The following RIF1 variants were observed in gnomAD, a reference collection of about 807,000 sequenced individuals.
RIF1 encodes telomere-associated protein RIF1.
A neutral mutation model predicts 247.1 loss-of-function variants in RIF1; 45 were observed. The observed-to-expected ratio is 0.18, with a 90% CI of 0.14 to 0.23. The LOEUF (loss-of-function observed/expected upper bound fraction) is 0.23. RIF1 is among the 10% of genes least tolerant of loss of function. The pLI, the probability that RIF1 is intolerant of heterozygous loss-of-function variation, is 1.00. For synonymous variants in RIF1, 1,087 were observed against 978.8 expected (o/e 1.11, Z -2.06); for missense variants, 2,967 against 2,862.5 (o/e 1.04, Z -0.83).
Position 151,464,648 on chromosome 2 carries a change from G to GA in RIF1, c.5134dup (p.Thr1712AsnfsTer6). ...GATATCAGATATTTCTTCGCTTTCA[G>GA]AAAAAACTTTTCAAACACTTGAATG... On this transcript the variant is annotated frameshift_variant, in exon 30 of 36. Transcript: ENST00000444746. LOFTEE classifies it high-confidence loss of function. 6.2e-7 allele frequency: 1 copy of GA among 1,613,274 alleles called. No individual in the cohort carries two copies. Among genetic ancestry groups the GA allele is most frequent in the Non-Finnish European group, 8.5e-7 (1 of 1,179,584 alleles).
At chr2:151,507,498 G>A (rs2153206288) in intron 13 of RIF1, among the ~76,000 whole-genome samples, 1 of 152,258 alleles carries the variant, frequency 6.6e-6, no homozygotes, top group Non-Finnish European at 1.5e-5. Context: ...GTCCTCCCTA[G>A]ACCCAGAGGA....
At chr2:151,438,486 C>A (rs1021304589) in intron 13 of RIF1, among the ~76,000 whole-genome samples, 198 bp from the exon 14 acceptor site, 2 of 152,016 alleles carry the variant, frequency 1.3e-5, no homozygotes, top group Non-Finnish European at 2.9e-5. Context: ...AAAAAATAAA[C>A]CATATTTAGT....
chr2:151,529,184 T>G, the RIF1 span: 1 of 1,480,958 alleles, frequency 6.8e-7, no homozygotes, highest in Non-Finnish European at 9.4e-7. Context: ...TCCCCCACCA[T>G]GCTTGGGGAA....
chr2:151,443,416 T>G, intron 17 of RIF1, 87 bp downstream of exon 17: 1 of 1,340,018 alleles, frequency 7.5e-7, no homozygotes. Context: ...TAAGTTTAAG[T>G]TTTTTTAAAA....
At chr2:151,444,094 T>G (rs566720064) in intron 18 of RIF1, among the ~76,000 whole-genome samples, 1 of 152,354 alleles carries the variant, frequency 6.6e-6, no homozygotes, top group East Asian at 1.9e-4. Flanking sequence ...AGCATTTCCT[T>G]AAGTCAGGAA....
Position 151,464,386 on chromosome 2 carries a change from A to G in RIF1, c.4866A>G (p.Gln1622=). 1.2e-6 allele frequency: 2 copies of G among 1,610,590 alleles called. No homozygotes were observed. The highest frequency in any genetic ancestry group is 1.7e-6 in the Non-Finnish European group (2 of 1,179,080). ...VSIKSPICEK[Q]DESNTVICQD... ...TAAAATCTCCGATTTGCGAAAAACA[A>G]GATGAAAGTAATACTGTAATATGTC... Residue 1622 remains glutamine (Q), a synonymous_variant, in exon 30 of 36, where the codon CAA becomes CAG. Transcript: ENST00000444746.
At position 151,437,128 on chromosome 2, in the gene RIF1, C is replaced by CTT. The variant is rs367747101; in HGVS notation, c.1373-106_1373-105dup. 1.6e-3 allele frequency: 1,933 copies of CTT among 1,213,978 alleles called. 24 individuals are homozygous for CTT. The East Asian group carries it at 0.03, about 19-fold the overall frequency. The allele number at this position is 1,213,978 out of a possible 1,614,324, so 75.2% of individuals were successfully genotyped here. A position where few individuals can be genotyped will look rare whatever the true frequency, so the allele number is the denominator to read the frequency against. On this transcript the variant is annotated intron_variant, in intron 12 of 35. Coordinates refer to ENST00000444746, the MANE Select transcript of RIF1 (RefSeq NM_018151.5). ...TTACAGTTGTGTATGAAATATGAAT[C>CTT]TTTTTTTTATAGAAAACACACCTAC...
rs754258247 is a variant in RIF1, at chr2:151,456,630, G to A, written c.2652+10G>A. On this transcript the variant is annotated intron_variant, in intron 23 of 35. Transcript: ENST00000444746. ...TTGTCTGAACAACAAGGTAAAAATA[G>A]ACAATTCTCCATAAACCATACTTTC... The A allele has an allele frequency of 2.7e-6, 4 of 1,455,398 alleles. No homozygotes were observed. In the Admixed American group the frequency reaches 7.6e-5, roughly 28 times the overall value. 90.2% of individuals were successfully genotyped at this position (1,455,398 alleles called of 1,614,324 possible).
the RIF1 span, chr2:151,518,217 G>A: frequency 2.3e-6 from 2 of 856,776 alleles, no homozygotes; most frequent in Non-Finnish European, 4.0e-6. Flanking sequence ...TTATATCTTT[G>A]TGCATTTTCT....
intron 12 of RIF1, among the ~76,000 whole-genome samples, chr2:151,504,943 C>G (rs1399707198): frequency 4.6e-5 from 7 of 151,856 alleles, no homozygotes; most frequent in Non-Finnish European, 1.0e-4. Context: ...ATGGAGAGAG[C>G]AAAGAATACA....
chr2:151,410,577 GAGAA>G (rs1283006667), intron 2 of RIF1, 50 bp downstream of exon 2: 5 of 1,436,796 alleles, frequency 3.5e-6, no homozygotes, highest in Non-Finnish European at 4.9e-6. Context: ...CTATAGTGGG[GAGAA>G]AGAAGGTGGT....
At chr2:151,522,174 ATTGTAT>A in the RIF1 span, among the ~76,000 whole-genome samples, 9 of 152,180 alleles carry the variant, frequency 5.9e-5, no homozygotes, top group African/African-American at 1.7e-4. Flanking sequence ...TAGGAGTTTA[ATTGTAT>A]TTGAAGTTTA....
intron 8 of RIF1, 21 bp downstream of exon 8, chr2:151,423,063 C>T (rs1219298696): frequency 2.3e-6 from 3 of 1,282,952 alleles, no homozygotes; most frequent in African/African-American, 1.5e-5. Context: ...AGTTAATGAA[C>T]AGTCAACAGT....
chr2:151,495,568 T>A (rs1458074872), intron 10 of RIF1, among the ~76,000 whole-genome samples: 2 of 152,164 alleles, frequency 1.3e-5, no homozygotes, highest in African/African-American at 4.8e-5. Flanking sequence ...CAAACCTCAA[T>A]CCCTAGGTAA....
chr2:151,492,430 G>C, intron 9 of RIF1: 1 of 1,612,404 alleles, frequency 6.2e-7, no homozygotes, highest in Non-Finnish European at 8.5e-7. Context: ...TCTCATCTCG[G>C]GGGTATCCAA....
chr2:151,411,316 C>A lies in RIF1; in HGVS notation c.161C>A (p.Pro54His). Residue 54 changes from proline to histidine, a missense_variant, in exon 3 of 36, where the codon CCT becomes CAT. Physicochemically the swap from Pro to His is moderately conservative, Grantham distance 77. Coordinates refer to ENST00000444746, the MANE Select transcript of RIF1 (RefSeq NM_018151.5). ...ATTACAGAAATTGAGAAAAAACTTC[C>A]TCGGCTGTACAAAGTTTTAAAGGTA... Reference protein sequence around the residue: ...EVITEIEKKLPRLYKVLKTHI... With the variant: ...EVITEIEKKLHRLYKVLKTHI... 1 of 1,596,926 alleles carries A rather than the reference C, an allele frequency of 6.3e-7. No homozygotes were observed. The highest frequency in any genetic ancestry group is 1.1e-5 in the South Asian group (1 of 89,178).
At chr2:151,461,426 C>CCG in intron 27 of RIF1, 137 bp downstream of exon 27, 1 of 780,340 alleles carries the variant, frequency 1.3e-6, no homozygotes, top group Non-Finnish European at 2.0e-6. Flanking sequence ...GAGTTTCACT[C>CCG]TGTTGCCCAG....
At chr2:151,501,277 A>AT (rs1310965638) in intron 11 of RIF1, 2 of 689,634 alleles carry the variant, frequency 2.9e-6, no homozygotes, top group East Asian at 5.6e-5. Context: ...AGTTGATGTG[A>AT]TTAAAAAAAG....
chr2:151,498,339 T>C, intron 10 of RIF1: 1 of 1,550,562 alleles, frequency 6.4e-7, no homozygotes, highest in Non-Finnish European at 8.7e-7. Flanking sequence ...CCCCAGGTTT[T>C]CTTTGTATAG....
Sources: allele counts gnomAD v4.1 joint callset (sites outside exome capture counted in the v4.1 genomes callset), GRCh38; gene constraint gnomAD v4.1.1; transcripts MANE v1.5; gene names NCBI Gene and HGNC (gene_info 2026-07-23, HGNC 2026-07-21).